The following NCOA3 variants were observed in gnomAD, a reference collection of about 807,000 sequenced individuals.
NCOA3 encodes the protein CBP-interacting protein.
A neutral mutation model predicts 158.8 loss-of-function variants in NCOA3; 51 were observed. That is an observed-to-expected ratio of 0.32 (90% CI 0.26 to 0.41). The LOEUF (loss-of-function observed/expected upper bound fraction) is 0.41, where lower values mean the gene tolerates loss of function less well. NCOA3 is among the 10% of genes least tolerant of loss of function. The pLI is 1.00. For missense variants in NCOA3, 1,510 were observed against 1,746.6 expected, an observed-to-expected ratio of 0.86 and a Z score of 2.41; for synonymous variants, 537 against 592.4, an observed-to-expected ratio of 0.91 and a Z score of 1.36.
rs150661713 is a variant in NCOA3, at chr20:47,634,201, G to A, written c.1112+6G>A. On this transcript the variant is annotated splice_donor_region_variant and intron_variant, in intron 10 of 22. Transcript: ENST00000371998. ...TCAACCCACTTCCTTCAGAGGTAAT[G>A]ATAGATTACTGTGTATTCTAATACA... 1,486 of 1,611,628 alleles carry A rather than the reference G, an allele frequency of 9.2e-4. 12 individuals are homozygous for A. In the African/African-American group the frequency reaches 0.018, roughly 20 times the overall value.
chr20:47,600,724 C>T (rs1358918662), intron 2 of NCOA3, among the ~76,000 whole-genome samples: 1 of 149,794 alleles, frequency 6.7e-6, no homozygotes, highest in Non-Finnish European at 1.5e-5. Flanking sequence ...CCATGTTGCC[C>T]AGTCTGGTTT....
chr20:47,528,510 C>A (rs572019150), intron 1 of NCOA3, among the ~76,000 whole-genome samples: 1 of 152,252 alleles, frequency 6.6e-6, no homozygotes, highest in Non-Finnish European at 1.5e-5. Flanking sequence ...CCCTCTCTAA[C>A]CCTCACTGAA....
chr20:47,597,689 A>G (rs1048583507), intron 2 of NCOA3, among the ~76,000 whole-genome samples: 3 of 151,612 alleles, frequency 2.0e-5, no homozygotes, highest in African/African-American at 7.2e-5. Context: ...GGGTCTCTCC[A>G]TATTGTCCAG....
intron 1 of NCOA3, among the ~76,000 whole-genome samples, chr20:47,523,820 A>AT (rs1229357576): frequency 2.0e-5 from 3 of 152,264 alleles, no homozygotes; most frequent in African/African-American, 7.2e-5. Context: ...TAAGCAAAAT[A>AT]TTACAGCAGT....
rs747015018 is a variant in NCOA3, at chr20:47,652,932, T to A, written c.4123T>A (p.Ser1375Thr). 1.9e-6 allele frequency: 3 copies of A among 1,614,098 alleles called. No individual in the cohort carries two copies. Among genetic ancestry groups the A allele is most frequent in the Non-Finnish European group, 1.7e-6 (2 of 1,179,986 alleles). The change falls in exon 22 of 23, where the codon TCC becomes ACC. Residue 1375 changes from serine to threonine, a missense_variant and splice_region_variant. Transcript: ENST00000371998. ...WPSGNLARNS[S>T]FSQQQFAHQG... is the part of the protein sequence containing the mutation. ...ATATTACCATTTGTTTACTTACAGC[T>A]CCTTTTCCCAGCAGCAGTTTGCCCA...
chr20:47,587,953 A>G (rs541796144), intron 2 of NCOA3, among the ~76,000 whole-genome samples: 2 of 152,102 alleles, frequency 1.3e-5, no homozygotes, highest in East Asian at 3.9e-4. Flanking sequence ...CTAATCCTCT[A>G]ATACATCTAA....
intron 1 of NCOA3, among the ~76,000 whole-genome samples, chr20:47,521,143 G>A (rs1017817236): frequency 2.6e-5 from 4 of 152,094 alleles, no homozygotes; most frequent in African/African-American, 9.7e-5. Context: ...GTTTCTTTCC[G>A]CCTTGCTGAG....
rs2086836403 is a variant in NCOA3, at chr20:47,653,970, G to C, written c.*553G>C. 6.6e-6 allele frequency: 1 copy of C among 152,656 alleles called. No homozygotes were observed. The highest frequency in any genetic ancestry group is 1.5e-5 in the Non-Finnish European group (1 of 68,342). The allele number at this position is 152,656 out of a possible 1,614,324, so 9.5% of individuals were successfully genotyped here. On this transcript the variant is annotated 3_prime_UTR_variant, in exon 23 of 23. Coordinates refer to ENST00000371998, the MANE Select transcript of NCOA3 (RefSeq NM_181659.3). ...GCTCTGTCCCTATTATTTGCCCTAG[G>C]CTTTCTCCTAATGAAGGTTTTCATT...
rs530421588 is a variant in NCOA3, at chr20:47,501,980, C to G, written c.-138C>G. 2.5e-6 allele frequency: 1 copy of G among 399,746 alleles called. No individual in the cohort carries two copies. Among genetic ancestry groups the G allele is most frequent in the South Asian group, 1.3e-4 (1 of 7,906 alleles). 24.8% of individuals were successfully genotyped at this position (399,746 alleles called of 1,614,324 possible). A position where few individuals can be genotyped will look rare whatever the true frequency, so the allele number is the denominator to read the frequency against. On this transcript the variant is annotated 5_prime_UTR_variant, in exon 1 of 23. Coordinates refer to ENST00000371998, the MANE Select transcript of NCOA3 (RefSeq NM_181659.3). ...CGGCTGCGGGCTGAGCGGCGAGTTT[C>G]CGATTTAAAGCTGAGCTGCGAGGAA...
chr20:47,509,510 GTTAC>G (rs2084081571), intron 1 of NCOA3, among the ~76,000 whole-genome samples: 2 of 152,332 alleles, frequency 1.3e-5, no homozygotes, highest in South Asian at 4.1e-4. Context: ...AAAAGCAAGT[GTTAC>G]TTTCTTTACT....
intron 1 of NCOA3, among the ~76,000 whole-genome samples, chr20:47,564,990 T>G (rs2085169206): frequency 1.3e-5 from 2 of 148,302 alleles, no homozygotes; most frequent in South Asian, 4.2e-4. Flanking sequence ...AGGGTGGTGG[T>G]TTTTTTTTTA....
chr20:47,505,506 A>T (rs1185689852), intron 1 of NCOA3, among the ~76,000 whole-genome samples: 2 of 152,140 alleles, frequency 1.3e-5, no homozygotes, highest in East Asian at 1.9e-4. Context: ...AATTTAATAC[A>T]GTTGTTACCC....
chr20:47,637,767 A>G lies in NCOA3; in HGVS notation c.2496A>G (p.Gln832=), dbSNP rs1473586236. ...SHLGTKQQVF[Q]GTNSLGLKSS... ...TGGGGACTAAGCAACAGGTGTTTCA[A>G]GGAACTAATTCTCTGGGTAAGAATG... is the stretch of plus-strand genomic sequence containing the variant. The change falls in exon 13 of 23, where the codon CAA becomes CAG. Residue 832 remains glutamine (Q), a synonymous_variant. Transcript: ENST00000371998. 6.2e-7 allele frequency: 1 copy of G among 1,601,358 alleles called. No individual in the cohort carries two copies. Among genetic ancestry groups the G allele is most frequent in the Non-Finnish European group, 8.5e-7 (1 of 1,176,078 alleles).
intron 2 of NCOA3, among the ~76,000 whole-genome samples, chr20:47,610,468 C>T (rs986314637): frequency 1.3e-5 from 2 of 152,170 alleles, no homozygotes; most frequent in African/African-American, 4.8e-5. Context: ...AATCCTCTTG[C>T]CCCAGCCTCC....
At chr20:47,601,970 C>T (rs570857757) in intron 2 of NCOA3, among the ~76,000 whole-genome samples, 23 of 152,328 alleles carry the variant, frequency 1.5e-4, no homozygotes, top group Admixed American at 1.5e-3. Context: ...ACATGCTCAA[C>T]ATATGTTCCT....
intron 1 of NCOA3, among the ~76,000 whole-genome samples, chr20:47,540,883 A>G (rs1359259170): frequency 2.0e-5 from 3 of 152,310 alleles, no homozygotes; most frequent in Non-Finnish European, 2.9e-5. Flanking sequence ...AAGGATGTAA[A>G]TGAATTCCTG....
Position 47,511,550 on chromosome 20 carries a change from T to TATATATATATACATAC in NCOA3, c.-99+9537_-99+9538insATATACATACATATAT. On this transcript the variant is annotated intron_variant, in intron 1 of 22. Transcript: ENST00000371998. ...ATATATATATATATATATATATATATATATATTTCTTTTTTTTTTTGAGAC... is the reference window on the plus strand; with the variant it reads ...ATATATATATATATATATATATATATATATATATATACATACATATATTTCTTTTTTTTTTTGAGAC... 9.6e-4 allele frequency among the ~76,000 whole-genome samples: 50 copies of TATATATATATACATAC among 52,200 alleles called. 2 individuals carry two copies. The highest frequency in any genetic ancestry group is 1.4e-3 in the Non-Finnish European group (34 of 25,048). 34.2% of individuals were successfully genotyped at this position (52,200 alleles called of 152,430 possible).
rs1211012821 is a variant in NCOA3 at position 47,622,246 on chromosome 20, A to G, written c.-2A>G. 3 of 1,592,540 alleles carry G rather than the reference A, an allele frequency of 1.9e-6. No individual in the cohort carries two copies. The highest frequency in any genetic ancestry group is 2.6e-6 in the Non-Finnish European group (3 of 1,166,516). Reference sequence around the variant, plus strand: ...TCTCTTAGTTGCTGATGTATATTCAAGATGAGTGGATTAGGAGAAAACTTG... The same window carrying G: ...TCTCTTAGTTGCTGATGTATATTCAGGATGAGTGGATTAGGAGAAAACTTG... On this transcript the variant is annotated 5_prime_UTR_variant, in exon 3 of 23. Transcript: ENST00000371998.
At chr20:47,599,111 A>G (rs536769842) in intron 2 of NCOA3, among the ~76,000 whole-genome samples, 1 of 152,308 alleles carries the variant, frequency 6.6e-6, no homozygotes, top group African/African-American at 2.4e-5. Context: ...ACACTCTGTG[A>G]TGTTTGCACA....
Sources: allele counts gnomAD v4.1 joint callset (sites outside exome capture counted in the v4.1 genomes callset), GRCh38; gene constraint gnomAD v4.1.1; transcripts MANE v1.5; gene names NCBI Gene and HGNC (gene_info 2026-07-23, HGNC 2026-07-21).